Variants in CNTN5 observed in about 807,000 individuals in gnomAD.
CNTN5 encodes contactin 5.
In CNTN5, 77 loss-of-function variants were observed where a neutral mutation model predicts 129.1. The observed-to-expected ratio is 0.60, with a 90% CI of 0.50 to 0.72. The LOEUF is 0.72. Ranked by LOEUF, CNTN5 falls within the 30% of genes least tolerant of loss-of-function variation. The pLI is 0.00. For synonymous variants in CNTN5, 509 were observed against 465.6 expected, an observed-to-expected ratio of 1.09 and a Z score of -1.20; for missense variants, 1,478 against 1,328.8, an observed-to-expected ratio of 1.11 and a Z score of -1.75.
chr11:99,999,924 G>A (rs898571018), intron 8 of CNTN5, among the ~76,000 whole-genome samples: 1 of 151,346 alleles, frequency 6.6e-6, no homozygotes, highest in African/African-American at 2.4e-5. Flanking sequence ...ACCAAACACT[G>A]CATGTTCTCA....
intron 18 of CNTN5, among the ~76,000 whole-genome samples, chr11:100,281,871 C>T (rs1424721508): frequency 6.6e-6 from 1 of 152,102 alleles, no homozygotes; most frequent in Non-Finnish European, 1.5e-5. Context: ...TATTAAAAGA[C>T]TCATGCTTTC....
chr11:100,336,540 GCTGT>G (rs567031630), intron 21 of CNTN5, among the ~76,000 whole-genome samples: 2 of 152,170 alleles, frequency 1.3e-5, no homozygotes, highest in African/African-American at 4.8e-5. Flanking sequence ...AAAATGATAA[GCTGT>G]CTGTGCTCTA....
chr11:99,091,213 A>G (rs149704200), intron 1 of CNTN5, among the ~76,000 whole-genome samples: 25 of 152,236 alleles, frequency 1.6e-4, no homozygotes, highest in African/African-American at 2.2e-4. Flanking sequence ...TCCTGTTACT[A>G]TAACTTTGGT....
chr11:99,471,096 T>C (rs1310068085), intron 2 of CNTN5, among the ~76,000 whole-genome samples: 1 of 151,806 alleles, frequency 6.6e-6, no homozygotes, highest in Non-Finnish European at 1.5e-5. Context: ...TCACAAACTT[T>C]CCAGATATAT....
At chr11:99,090,988 C>G (rs1866223443) in intron 1 of CNTN5, among the ~76,000 whole-genome samples, 1 of 135,526 alleles carries the variant, frequency 7.4e-6, no homozygotes, top group South Asian at 2.3e-4. Context: ...TGCCACTGCA[C>G]TCCAGCCTGG....
intron 3 of CNTN5, among the ~76,000 whole-genome samples, chr11:99,727,029 G>A (rs182543621): frequency 2.2e-4 from 34 of 151,606 alleles, no homozygotes; most frequent in African/African-American, 8.2e-4. Flanking sequence ...GGGCATGGCC[G>A]GGCGCGGTGG....
intron 1 of CNTN5, among the ~76,000 whole-genome samples, chr11:99,043,521 T>C (rs1269429848): frequency 1.3e-5 from 2 of 152,164 alleles, no homozygotes; most frequent in African/African-American, 4.8e-5. Flanking sequence ...TAATGCCTTA[T>C]AATTGAGGAA....
chr11:99,972,267 TAAGTA>T (rs1951284319), intron 8 of CNTN5, among the ~76,000 whole-genome samples: 1 of 151,502 alleles, frequency 6.6e-6, no homozygotes, highest in Non-Finnish European at 1.5e-5. Flanking sequence ...TTTCAAAAAA[TAAGTA>T]AATAAATAAA....
At chr11:100,126,216 G>A (rs1026952391) in intron 13 of CNTN5, among the ~76,000 whole-genome samples, 37 of 152,002 alleles carry the variant, frequency 2.4e-4, no homozygotes, top group African/African-American at 8.4e-4. Flanking sequence ...CTTACTTCCT[G>A]GGCAGATCTT....
intron 2 of CNTN5, among the ~76,000 whole-genome samples, chr11:99,490,246 A>G (rs1261412152): frequency 6.6e-6 from 1 of 152,184 alleles, no homozygotes; most frequent in Non-Finnish European, 1.5e-5. Flanking sequence ...TTATTCACCA[A>G]TTTTGACCAA....
chr11:99,650,288 C>T (rs1952105502), intron 3 of CNTN5, among the ~76,000 whole-genome samples: 3 of 151,836 alleles, frequency 2.0e-5, no homozygotes, highest in Non-Finnish European at 4.4e-5. Context: ...TCCTCATCAG[C>T]AAATCTAATG....
rs545890517 is a variant in CNTN5, at chr11:99,646,023, C to A, written c.55+89754C>A. On this transcript the variant is annotated intron_variant, in intron 3 of 24. Coordinates refer to ENST00000524871, the MANE Select transcript of CNTN5 (RefSeq NM_014361.4). ...CAATAAGGGTTAAGCAATAGCAGAG[C>A]AAAAGTTTACTGAACAAGTCCAAGT... 9.8e-5 allele frequency among the ~76,000 whole-genome samples: 15 copies of A among 152,286 alleles called. No homozygotes were observed. In the East Asian group the frequency reaches 2.3e-3, roughly 24 times the overall value.
rs762402114 is a variant in CNTN5 at position 99,844,822 on chromosome 11, A to G, written c.278-30A>G. 5 of 1,582,798 alleles carry G rather than the reference A, an allele frequency of 3.2e-6. No individual in the cohort carries two copies. The South Asian group carries it at 5.9e-5, about 19-fold the overall frequency. On this transcript the variant is annotated intron_variant, in intron 4 of 24. Coordinates refer to ENST00000524871, the MANE Select transcript of CNTN5 (RefSeq NM_014361.4). ...CAAAATATCTTGCTAGTTTAAGGAA[A>G]TTTAAAATGTGTCTGTTTTGTCTTT... is the stretch of plus-strand genomic sequence containing the variant.
intron 17 of CNTN5, among the ~76,000 whole-genome samples, chr11:100,266,055 G>A (rs182640017): frequency 6.6e-6 from 1 of 152,114 alleles, no homozygotes; most frequent in East Asian, 1.9e-4. Flanking sequence ...GCACAGATTG[G>A]TTACATTTTT....
In CNTN5 at chr11:100,061,262, A is replaced by C; in HGVS notation, c.1031A>C (p.Lys344Thr). 6.2e-7 allele frequency: 1 copy of C among 1,613,700 alleles called. No individual in the cohort carries two copies. Among genetic ancestry groups the C allele is most frequent in the Non-Finnish European group, 8.5e-7 (1 of 1,179,628 alleles). ...WMKVNGYIPS[K>T]ARLRKSQAVL... Reference sequence around the variant, plus strand: ...AAGGTTAATGGTTATATTCCTAGTAAGGCACGTCTGCGGAAATCTCAGGCG... The same window carrying C: ...AAGGTTAATGGTTATATTCCTAGTACGGCACGTCTGCGGAAATCTCAGGCG... The change falls in exon 10 of 25, where the codon AAG (lysine) becomes ACG (threonine). Residue 344 changes from lysine to threonine, a missense_variant. Transcript: ENST00000524871.
At chr11:100,237,913 G>T (rs1949655303) in intron 16 of CNTN5, among the ~76,000 whole-genome samples, 1 of 152,096 alleles carries the variant, frequency 6.6e-6, no homozygotes, top group African/African-American at 2.4e-5. Context: ...TTATGAATCT[G>T]CTGGGGTACC....
In CNTN5 at chr11:99,673,678, T is replaced by A. The variant is rs1254194124; in HGVS notation, c.55+117409T>A. 3.3e-5 allele frequency among the ~76,000 whole-genome samples: 5 copies of A among 152,052 alleles called. No homozygotes were observed. In the East Asian group the frequency reaches 9.6e-4, roughly 29 times the overall value. On this transcript the variant is annotated intron_variant, in intron 3 of 24. Transcript: ENST00000524871. ...GTTCTCATCATTTATCTCCCACTTA[T>A]AAGTGAGAACATGCCATATTTGGTT...
chr11:99,681,319 G>A (rs1953540016), intron 3 of CNTN5, among the ~76,000 whole-genome samples: 1 of 147,676 alleles, frequency 6.8e-6, no homozygotes, highest in African/African-American at 2.5e-5. Flanking sequence ...AAACAGCATA[G>A]CATTCTACAC....
At chr11:99,190,395 T>G (rs1273214750) in intron 1 of CNTN5, among the ~76,000 whole-genome samples, 2 of 151,738 alleles carry the variant, frequency 1.3e-5, no homozygotes, top group Non-Finnish European at 3.0e-5. Flanking sequence ...CTTTTGTAGT[T>G]CTATACAAAC....
Sources: gnomAD v4.1 joint callset for allele counts (sites outside exome capture counted in the v4.1 genomes callset) on GRCh38, gnomAD v4.1.1 for gene constraint, MANE v1.5 for transcripts, NCBI Gene and HGNC (gene_info 2026-07-23, HGNC 2026-07-21) for gene names.